The following OR1I1 variants were observed in gnomAD, a reference collection of about 807,000 sequenced individuals.
OR1I1 encodes olfactory receptor 1I1.
For missense variants in OR1I1, 451 were observed against 443.6 expected, an observed-to-expected ratio of 1.02 and a Z score of -0.15; for synonymous variants, 171 against 181.4, an observed-to-expected ratio of 0.94 and a Z score of 0.46.
chr19:15,086,842 G>A (rs2046231801), intron 1 of OR1I1: 1 of 663,014 alleles, frequency 1.5e-6, no homozygotes, highest in African/African-American at 1.8e-5. Context: ...TTAGATCCTT[G>A]AGACCCTGAC....
chr19:15,085,292 TC>T (rs2046226483), intron 1 of OR1I1, among the ~76,000 whole-genome samples: 1 of 150,830 alleles, frequency 6.6e-6, no homozygotes, highest in Non-Finnish European at 1.5e-5. Context: ...TGCCTCAGCC[TC>T]CCAAGTAGCT....
At position 15,087,153 on chromosome 19, in the gene OR1I1, A is replaced by G. The variant is rs1568322342; in HGVS notation, c.88A>G (p.Met30Val). The G allele has an allele frequency of 1.2e-6, 2 of 1,613,950 alleles. No homozygotes were observed. Among genetic ancestry groups the G allele is most frequent in the Admixed American group, 1.7e-5 (1 of 59,986 alleles). The stretch of plus-strand genomic sequence containing the variant: ...AGAGCATCAGACCCTCCTCTTCACA[A>G]TGTTCCTCTCCACATACCTGGTCAC... Reference protein sequence around the residue: ...KPEHQTLLFTMFLSTYLVTII... With the variant: ...KPEHQTLLFTVFLSTYLVTII... Residue 30 changes from methionine (M) to valine (V), a missense_variant, in exon 2 of 2, where the codon ATG becomes GTG. Coordinates refer to ENST00000641398, the MANE Select transcript of OR1I1 (RefSeq NM_001004713.2).
chr19:15,091,811 AGAGCGAGACT>A lies in OR1I1; in HGVS notation c.*3679_*3688del, dbSNP rs1413179472. Reference sequence around the variant, plus strand: ...CCCACTGCACTCCAGCCTGGGTGACAGAGCGAGACTCTGTCTCAAAAAAAAAAAAAAAAAA... The same window carrying A: ...CCCACTGCACTCCAGCCTGGGTGACACTGTCTCAAAAAAAAAAAAAAAAAA... On this transcript the variant is annotated 3_prime_UTR_variant, in exon 2 of 2. Transcript: ENST00000641398. The A allele has an allele frequency of 7.1e-6, 1 of 141,160 alleles. No individual in the cohort carries two copies. Among genetic ancestry groups the A allele is most frequent in the Non-Finnish European group, 1.5e-5 (1 of 65,916 alleles). 8.7% of individuals were successfully genotyped at this position (141,160 alleles called of 1,614,324 possible).
chr19:15,085,764 T>G (rs893385705), intron 1 of OR1I1, among the ~76,000 whole-genome samples: 6 of 151,942 alleles, frequency 3.9e-5, no homozygotes, highest in African/African-American at 1.4e-4. Flanking sequence ...AAATTCCACA[T>G]ATAAGTGAGA....
Position 15,090,738 on chromosome 19 carries a change from G to A in OR1I1, c.*2605G>A, listed in dbSNP as rs1213580927. The A allele has an allele frequency of 1.3e-5, 2 of 152,184 alleles. No individual in the cohort carries two copies. The allele number at this position is 152,184 out of a possible 1,614,324, so 9.4% of individuals were successfully genotyped here. A position where few individuals can be genotyped will look rare whatever the true frequency, so the allele number is the denominator to read the frequency against. ...AGCCTCCTGAGTAGTTGGGACTACA[G>A]GCCTATGCCACTGCAATCAGCTATA... On this transcript the variant is annotated 3_prime_UTR_variant, in exon 2 of 2. Transcript: ENST00000641398.
At chr19:15,082,793 A>C in intron 1 of OR1I1, among the ~76,000 whole-genome samples, 1 of 147,584 alleles carries the variant, frequency 6.8e-6, no homozygotes. Flanking sequence ...GGGCGGGGGG[A>C]TTGTTTTGTT....
chr19:15,084,937 T>C (rs531861375), intron 1 of OR1I1, among the ~76,000 whole-genome samples: 2 of 151,506 alleles, frequency 1.3e-5, no homozygotes, highest in Admixed American at 6.6e-5. Flanking sequence ...TGAGCTGTGA[T>C]TGTGCCACCG....
intron 1 of OR1I1, 62 bp downstream of exon 1, chr19:15,082,338 G>A (rs540399599): frequency 6.6e-6 from 1 of 152,444 alleles, no homozygotes; most frequent in East Asian, 1.9e-4. Context: ...TCTAGCAGTT[G>A]GTGGAGAAGG....
rs772711691 is a variant in OR1I1, at chr19:15,087,976, T to C, written c.911T>C (p.Leu304Pro). The change falls in exon 2 of 2, where the codon CTC (leucine) becomes CCC (proline). Residue 304 changes from leucine to proline, a missense_variant. Transcript: ENST00000641398. ...NKDMKAALGK[L>P]IGKVAVPCPR... The stretch of plus-strand genomic sequence containing the variant: ...GATATGAAGGCAGCCCTGGGGAAGC[T>C]CATCGGCAAAGTGGCCGTCCCCTGT... 4 of 1,614,040 alleles carry C rather than the reference T, an allele frequency of 2.5e-6. No individual in the cohort carries two copies. Among genetic ancestry groups the C allele is most frequent in the South Asian group, 2.2e-5 (2 of 91,090 alleles).
At chr19:15,084,088 T>C (rs2046219530) in intron 1 of OR1I1, among the ~76,000 whole-genome samples, 1 of 152,006 alleles carries the variant, frequency 6.6e-6, no homozygotes, top group Non-Finnish European at 1.5e-5. Context: ...GAGGTGAGAG[T>C]GGCCATTCTT....
rs962077752 is a variant in OR1I1 at position 15,092,532 on chromosome 19, T to A, written c.*4399T>A. On this transcript the variant is annotated 3_prime_UTR_variant, in exon 2 of 2. Coordinates refer to ENST00000641398, the MANE Select transcript of OR1I1 (RefSeq NM_001004713.2). ...ACCTTACCATCTCCGTTGCAATGACTGAACTCTGCTGCTGTCTGGCGAAAG... is the reference window on the plus strand; with the variant it reads ...ACCTTACCATCTCCGTTGCAATGACAGAACTCTGCTGCTGTCTGGCGAAAG... The A allele has an allele frequency of 3.3e-5, 5 of 152,196 alleles. No homozygotes were observed. The highest frequency in any genetic ancestry group is 1.2e-4 in the African/African-American group (5 of 41,444). 9.4% of individuals were successfully genotyped at this position (152,196 alleles called of 1,614,324 possible).
Position 15,088,224 on chromosome 19 carries a change from T to G in OR1I1, c.*91T>G. 1 of 1,434,336 alleles carries G rather than the reference T, an allele frequency of 7.0e-7. No homozygotes were observed. The highest frequency in any genetic ancestry group is 9.2e-7 in the Non-Finnish European group (1 of 1,086,602). The allele number at this position is 1,434,336 out of a possible 1,614,324, so 88.9% of individuals were successfully genotyped here. A position where few individuals can be genotyped will look rare whatever the true frequency, so the allele number is the denominator to read the frequency against. Reference sequence around the variant, plus strand: ...GAAAGGTGTGCATTTTCCCCAGGATTTATCTTCCCCAAAAAGATCAGAATA... The same window carrying G: ...GAAAGGTGTGCATTTTCCCCAGGATGTATCTTCCCCAAAAAGATCAGAATA... On this transcript the variant is annotated 3_prime_UTR_variant, in exon 2 of 2. Coordinates refer to ENST00000641398, the MANE Select transcript of OR1I1 (RefSeq NM_001004713.2).
rs1379917491 is a variant in OR1I1, at chr19:15,087,767, G to A, written c.702G>A (p.Lys234=). 7 of 1,614,106 alleles carry A rather than the reference G, an allele frequency of 4.3e-6. No individual in the cohort carries two copies. Among genetic ancestry groups the A allele is most frequent in the Non-Finnish European group, 5.1e-6 (6 of 1,180,062 alleles). The change falls in exon 2 of 2, where the codon AAG becomes AAA. Residue 234 remains lysine, a synonymous_variant. Coordinates refer to ENST00000641398, the MANE Select transcript of OR1I1 (RefSeq NM_001004713.2). ...TTAAGATCCCTTCTACTCGGGGCAA[G>A]TGGAAAGCCTTCTCCACCTGTGGCT... is the stretch of plus-strand genomic sequence containing the variant. ...TVFKIPSTRG[K]WKAFSTCGLH...
At chr19:15,085,173 TATA>T (rs1420470661) in intron 1 of OR1I1, among the ~76,000 whole-genome samples, 803 of 41,588 alleles carry the variant, frequency 0.019, 80 homozygotes, top group Non-Finnish European at 0.027. Flanking sequence ...TATATATATA[TATA>T]TTTTTTTTTT....
In OR1I1 at chr19:15,088,177, C is replaced by G. The variant is rs569256584; in HGVS notation, c.*44C>G. The G allele has an allele frequency of 2.0e-6, 3 of 1,499,352 alleles. No individual in the cohort carries two copies. In the Admixed American group the frequency reaches 6.6e-5, roughly 33 times the overall value. 92.9% of individuals were successfully genotyped at this position (1,499,352 alleles called of 1,614,324 possible). On this transcript the variant is annotated 3_prime_UTR_variant, in exon 2 of 2. Transcript: ENST00000641398. Reference sequence around the variant, plus strand: ...GATAAATGTGTCATAAAGAGATGAACAAAGTGTATGAGCACCCAAAGGAAA... The same window carrying G: ...GATAAATGTGTCATAAAGAGATGAAGAAAGTGTATGAGCACCCAAAGGAAA...
rs749142869 is a variant in OR1I1, at chr19:15,087,129, G to C, written c.64G>C (p.Glu22Gln). ...FFLQGLSEKP[E>Q]HQTLLFTMFL... Reference sequence around the variant, plus strand: ...CCTCCAGGGACTCTCAGAAAAGCCAGAGCATCAGACCCTCCTCTTCACAAT... The same window carrying C: ...CCTCCAGGGACTCTCAGAAAAGCCACAGCATCAGACCCTCCTCTTCACAAT... Residue 22 changes from glutamate to glutamine, a missense_variant, in exon 2 of 2, where the codon GAG becomes CAG. Coordinates refer to ENST00000641398, the MANE Select transcript of OR1I1 (RefSeq NM_001004713.2). 9.3e-6 allele frequency: 15 copies of C among 1,614,036 alleles called. No individual in the cohort carries two copies. The highest frequency in any genetic ancestry group is 1.3e-5 in the Non-Finnish European group (15 of 1,180,010).
chr19:15,085,131 T>TTTATAC (rs2046223300), intron 1 of OR1I1, among the ~76,000 whole-genome samples: 1 of 5,424 alleles, frequency 1.8e-4, no homozygotes, highest in Non-Finnish European at 3.5e-4. Flanking sequence ...ATTTTTGACT[T>TTTATAC]ATATATATAT....
At position 15,088,079 on chromosome 19, in the gene OR1I1, C is replaced by G. The variant is rs1189475424; in HGVS notation, c.1014C>G (p.Pro338=). 2 of 1,574,888 alleles carry G rather than the reference C, an allele frequency of 1.3e-6. No individual in the cohort carries two copies. Among genetic ancestry groups the G allele is most frequent in the African/African-American group, 1.3e-5 (1 of 74,184 alleles). The part of the protein sequence containing the change: ...LLAARDTEMH[P]IPYPGGVQSL... ...CTGCTAGGGACACAGAGATGCATCC[C>G]ATCCCCTACCCTGGAGGAGTTCAGA... is the stretch of plus-strand genomic sequence containing the variant. The change falls in exon 2 of 2, where the codon CCC becomes CCG. Residue 338 remains proline (P), a synonymous_variant. Coordinates refer to ENST00000641398, the MANE Select transcript of OR1I1 (RefSeq NM_001004713.2).
At chr19:15,085,151 TATATATATATATATATATATA>T (rs1315379311) in intron 1 of OR1I1, among the ~76,000 whole-genome samples, 563 of 42,732 alleles carry the variant, frequency 0.013, 55 homozygotes, top group Admixed American at 0.079. Flanking sequence ...TATATATATA[TATATATATATATATATATATA>T]TATATTTTTT....
Sources: allele counts gnomAD v4.1 joint callset (sites outside exome capture counted in the v4.1 genomes callset), GRCh38; gene constraint gnomAD v4.1.1; transcripts MANE v1.5; gene names NCBI Gene and HGNC (gene_info 2026-07-23, HGNC 2026-07-21).